Variants in WDFY4 observed in about 807,000 individuals in gnomAD.
WDFY4 encodes the protein WDFY family member 4.
A neutral mutation model predicts 351.9 loss-of-function variants in WDFY4; 169 were observed. The ratio of observed to expected loss-of-function variants is 0.48; its 90% confidence interval spans 0.42 to 0.55. WDFY4 has a LOEUF of 0.55. Ranked by LOEUF, WDFY4 falls within the 20% of genes least tolerant of loss-of-function variation. The pLI is 0.00. For missense variants in WDFY4, 3,803 were observed against 3,935.6 expected, an observed-to-expected ratio of 0.97 and a Z score of 0.90; for synonymous variants, 1,622 against 1,574.6, an observed-to-expected ratio of 1.03 and a Z score of -0.71.
intron 51 of WDFY4, among the ~76,000 whole-genome samples, chr10:48,954,028 T>C (rs1841470681): frequency 6.6e-6 from 1 of 152,252 alleles, no homozygotes; most frequent in African/African-American, 2.4e-5. Flanking sequence ...TGGATCAATG[T>C]GCAGGAATAG....
At chr10:48,717,078 T>G (rs1340260568) in intron 2 of WDFY4, among the ~76,000 whole-genome samples, 1 of 152,238 alleles carries the variant, frequency 6.6e-6, no homozygotes, top group Non-Finnish European at 1.5e-5. Flanking sequence ...CGGCTAAGCC[T>G]CAATTTCTAT....
intron 53 of WDFY4, among the ~76,000 whole-genome samples, chr10:48,962,226 G>T (rs1287536959): frequency 6.6e-6 from 1 of 152,144 alleles, no homozygotes; most frequent in Admixed American, 6.5e-5. Context: ...CAGGTGGTAG[G>T]CTTGGGAGAG....
At chr10:48,757,283 GT>G (rs1420681105) in intron 12 of WDFY4, among the ~76,000 whole-genome samples, 2 of 152,062 alleles carry the variant, frequency 1.3e-5, no homozygotes, top group African/African-American at 4.8e-5. Flanking sequence ...AGATCTATGA[GT>G]TTTTCTTTCT....
chr10:48,768,723 A>AGAGAGAG (rs1555000834), intron 13 of WDFY4, among the ~76,000 whole-genome samples: 2 of 140,978 alleles, frequency 1.4e-5, no homozygotes, highest in African/African-American at 2.7e-5. Context: ...GGGAGAGGAG[A>AGAGAGAG]AGAGAGAGAG....
intron 37 of WDFY4, 42 bp downstream of exon 37, chr10:48,828,938 C>CGGGGGGG (rs747997061): frequency 9.5e-6 from 1 of 105,812 alleles, no homozygotes; most frequent in Non-Finnish European, 1.5e-5. Context: ...GGGGGGGGGG[C>CGGGGGGG]GGGGAGGGGG....
chr10:48,811,206 C>G (rs556899136), intron 29 of WDFY4, among the ~76,000 whole-genome samples: 13 of 152,274 alleles, frequency 8.5e-5, no homozygotes, highest in African/African-American at 2.6e-4. Context: ...TAATGTCTGT[C>G]CCTCCCACTA....
At position 48,926,034 on chromosome 10, in the gene WDFY4, C is replaced by G. The variant is rs376454033; in HGVS notation, c.7587-15772C>G. Among the ~76,000 whole-genome samples, 80 of 152,302 alleles carry G rather than the reference C, an allele frequency of 5.3e-4. 1 individual carries two copies. Among genetic ancestry groups the G allele is most frequent in the African/African-American group, 1.8e-3 (76 of 41,558 alleles). Reference sequence around the variant, plus strand: ...AAGTCAAACCTCAATGTGTCTGATACGCAAGCTGGTGTACAATCTTTCTAT... The same window carrying G: ...AAGTCAAACCTCAATGTGTCTGATAGGCAAGCTGGTGTACAATCTTTCTAT... On this transcript the variant is annotated intron_variant, in intron 47 of 61. Transcript: ENST00000325239.
chr10:48,871,682 G>T (rs1460609634), intron 40 of WDFY4, among the ~76,000 whole-genome samples: 5 of 152,024 alleles, frequency 3.3e-5, no homozygotes, highest in African/African-American at 1.2e-4. Context: ...TTGCTATGTT[G>T]CCCAGGCTGG....
At chr10:48,703,573 C>A (rs2063539343) in intron 1 of WDFY4, among the ~76,000 whole-genome samples, 1 of 152,176 alleles carries the variant, frequency 6.6e-6, no homozygotes, top group South Asian at 2.1e-4. Context: ...CAAGCTAACC[C>A]TTTGGGTCAT....
chr10:48,979,924 C>T (rs1012649156), intron 60 of WDFY4: 3 of 152,132 alleles, frequency 2.0e-5, no homozygotes, highest in Admixed American at 2.0e-4. Flanking sequence ...ATAATAGTAG[C>T]CACAGACAAG....
intron 43 of WDFY4, among the ~76,000 whole-genome samples, chr10:48,888,031 T>C (rs1479098022): frequency 6.6e-6 from 1 of 152,096 alleles, no homozygotes; most frequent in Non-Finnish European, 1.5e-5. Context: ...AAGAGAAAAG[T>C]CTAGATGCAG....
chr10:48,802,842 G>C, intron 24 of WDFY4: 1 of 477,328 alleles, frequency 2.1e-6, no homozygotes, highest in East Asian at 6.8e-5. Flanking sequence ...TCTATTTCCT[G>C]TCCTGCCACT....
rs947015312 is a variant in WDFY4 at position 48,790,876 on chromosome 10, G to T, written c.4216G>T (p.Ala1406Ser). The stretch of plus-strand genomic sequence containing the variant: ...TCTGCACTCGGTCCTGACCAGTAAT[G>T]CCATGTGTGACTTCCTGATGCAACA... ...KVLHSVLTSN[A>S]MCDFLMQHIC... Residue 1406 changes from alanine to serine, a missense_variant, in exon 23 of 62, where the codon GCC becomes TCC. This residue lies in a region of WDFY4 where 3,054 missense variants were observed against 3,148.6 expected (regional missense o/e 0.97). Transcript: ENST00000325239. 2 of 1,551,624 alleles carry T rather than the reference G, an allele frequency of 1.3e-6. No individual in the cohort carries two copies. Among genetic ancestry groups the T allele is most frequent in the African/African-American group, 2.7e-5 (2 of 73,044 alleles).
intron 19 of WDFY4, among the ~76,000 whole-genome samples, chr10:48,781,092 G>T (rs150919872): frequency 1.3e-5 from 2 of 152,098 alleles, no homozygotes; most frequent in Non-Finnish European, 2.9e-5. Context: ...GGTCAAAGTT[G>T]TTCCAGGTTA....
chr10:48,895,489 C>T (rs1284482343), intron 44 of WDFY4, among the ~76,000 whole-genome samples: 5 of 152,176 alleles, frequency 3.3e-5, no homozygotes, highest in Admixed American at 2.0e-4. Flanking sequence ...TGAGGGCTGG[C>T]GTGCTTGGGA....
chr10:48,806,386 G>A (rs2067256282), intron 27 of WDFY4, among the ~76,000 whole-genome samples: 1 of 152,188 alleles, frequency 6.6e-6, no homozygotes, highest in Non-Finnish European at 1.5e-5. Flanking sequence ...TCACTTCCTG[G>A]TTGAACCCCC....
In WDFY4 at chr10:48,823,149, T is replaced by C. The variant is rs889648963; in HGVS notation, c.5982+612T>C. 1.2e-5 allele frequency: 15 copies of C among 1,300,770 alleles called. No homozygotes were observed. In the Admixed American group the frequency reaches 3.5e-4, roughly 30 times the overall value. 80.6% of individuals were successfully genotyped at this position (1,300,770 alleles called of 1,614,324 possible). ...AGAGAGAATCGTACAATCTCAAAAT[T>C]CCAGCATTGAAAGAGACCTTTTTTT... On this transcript the variant is annotated intron_variant, in intron 35 of 61. Coordinates refer to ENST00000325239, the MANE Select transcript of WDFY4 (RefSeq NM_001394531.1).
chr10:48,750,783 C>T (rs1328321344), intron 12 of WDFY4, among the ~76,000 whole-genome samples: 1 of 152,236 alleles, frequency 6.6e-6, no homozygotes, highest in African/African-American at 2.4e-5. Context: ...CACTGTACAT[C>T]TATCAATTTT....
chr10:48,859,467 A>T (rs934023133), intron 39 of WDFY4, among the ~76,000 whole-genome samples: 6 of 152,216 alleles, frequency 3.9e-5, no homozygotes, highest in African/African-American at 1.2e-4. Flanking sequence ...GTATCACTTG[A>T]TATGACCATG....
Sources: allele counts gnomAD v4.1 joint callset (sites outside exome capture counted in the v4.1 genomes callset), GRCh38; gene constraint gnomAD v4.1.1; regional missense constraint gnomAD v4.1.1; transcripts MANE v1.5; gene names NCBI Gene and HGNC (gene_info 2026-07-23, HGNC 2026-07-21).